PTGR2: variants seen among roughly 807,000 people sequenced by gnomAD.
PTGR2 encodes prostaglandin reductase 2.
PTGR2 carries 32 observed loss-of-function variants against 43.4 expected under a neutral mutation model. The ratio of observed to expected loss-of-function variants is 0.74; its 90% CI spans 0.56 to 0.99. The LOEUF (loss-of-function observed/expected upper bound fraction) is 0.99, where lower values mean the gene tolerates loss of function less well. Ranked by LOEUF, PTGR2 falls within the 50% of genes least tolerant of loss-of-function variation. The pLI, the probability that PTGR2 is intolerant of heterozygous loss-of-function variation, is 0.00. For synonymous variants in PTGR2, 106 were observed against 139.2 expected (o/e 0.76, Z 1.68); for missense variants, 373 against 420.0 (o/e 0.89, Z 0.98).
chr14:73,876,483 C>CTTTT (rs766810794), intron 4 of PTGR2, among the ~76,000 whole-genome samples: 2 of 108,566 alleles, frequency 1.8e-5, no homozygotes, highest in East Asian at 3.1e-4. Context: ...GACATAAGTC[C>CTTTT]TTTTTTTTTT....
intron 8 of PTGR2, among the ~76,000 whole-genome samples, chr14:73,882,132 T>C (rs2055005645): frequency 6.6e-6 from 1 of 152,162 alleles, no homozygotes; most frequent in Non-Finnish European, 1.5e-5. Context: ...GTTGTACCTT[T>C]GTGTGCTTCT....
intron 1 of PTGR2, among the ~76,000 whole-genome samples, chr14:73,857,678 T>TTTTTTTTTTG (rs2140233670): frequency 7.7e-6 from 1 of 129,402 alleles, no homozygotes; most frequent in South Asian, 3.0e-4. Flanking sequence ...TTTTTTTTTT[T>TTTTTTTTTTG]TTTTTTTTGA....
At chr14:73,860,422 G>A (rs1184697120) in intron 2 of PTGR2, 117 bp from the exon 3 acceptor site, 14 of 521,294 alleles carry the variant, frequency 2.7e-5, no homozygotes, top group East Asian at 1.1e-4. Context: ...AGCCGAGATC[G>A]CGCCACTGCA....
At chr14:73,863,330 A>G (rs549524479) in intron 3 of PTGR2, among the ~76,000 whole-genome samples, 1 of 152,030 alleles carries the variant, frequency 6.6e-6, no homozygotes, top group Non-Finnish European at 1.5e-5. Context: ...TTTTTAAGAG[A>G]CAGAGTCTTG....
intron 3 of PTGR2, among the ~76,000 whole-genome samples, chr14:73,869,645 T>C (rs2054679969): frequency 6.6e-6 from 1 of 152,000 alleles, no homozygotes; most frequent in Non-Finnish European, 1.5e-5. Flanking sequence ...TAGCATAATG[T>C]TTATTAAATG....
intron 2 of PTGR2, among the ~76,000 whole-genome samples, chr14:73,860,194 T>G (rs1263521272): frequency 6.6e-6 from 1 of 151,874 alleles, no homozygotes; most frequent in East Asian, 1.9e-4. Flanking sequence ...AGAGTGACCC[T>G]TTAAAGAATA....
chr14:73,867,237 T>A (rs2054623745), intron 3 of PTGR2, among the ~76,000 whole-genome samples: 1 of 152,140 alleles, frequency 6.6e-6, no homozygotes, highest in Non-Finnish European at 1.5e-5. Context: ...GAATCTCTAC[T>A]GTCAGCTTAC....
chr14:73,864,318 T>G (rs1399708118), intron 3 of PTGR2, among the ~76,000 whole-genome samples: 1 of 152,304 alleles, frequency 6.6e-6, no homozygotes, highest in East Asian at 1.9e-4. Context: ...AAGAGTAAAA[T>G]TACTAGGTCA....
chr14:73,874,247 T>C (rs2054804248), intron 4 of PTGR2, 33 bp downstream of exon 4: 4 of 1,466,874 alleles, frequency 2.7e-6, no homozygotes, highest in Non-Finnish European at 2.8e-6. Flanking sequence ...TGATTTTTTT[T>C]CCCCGTATAA....
chr14:73,855,426 G>A (rs1394912827), intron 1 of PTGR2, among the ~76,000 whole-genome samples: 3 of 152,028 alleles, frequency 2.0e-5, no homozygotes, highest in African/African-American at 7.2e-5. Flanking sequence ...TCATCAGAAC[G>A]TTATAGTGCA....
At chr14:73,874,618 C>T (rs1473922183) in intron 4 of PTGR2, 1 of 455,924 alleles carries the variant, frequency 2.2e-6, no homozygotes. Context: ...CGGCTGGTCT[C>T]AAACTCCTAG....
chr14:73,854,334 T>G (rs898998378), intron 1 of PTGR2, among the ~76,000 whole-genome samples: 2 of 152,112 alleles, frequency 1.3e-5, no homozygotes, highest in African/African-American at 4.8e-5. Context: ...ACTCCTGACC[T>G]CAAGTGATCC....
At position 73,885,515 on chromosome 14, in the gene PTGR2, AC is replaced by A. The variant is rs1163338484; in HGVS notation, c.*1339del. ...CACTGCCAATATACTTTTGTATGCAACATTTGTAATAAGTAGATTCAAACTG... is the reference window on the plus strand; with the variant it reads ...CACTGCCAATATACTTTTGTATGCAAATTTGTAATAAGTAGATTCAAACTG... On this transcript the variant is annotated 3_prime_UTR_variant, in exon 10 of 10. Coordinates refer to ENST00000555661, the MANE Select transcript of PTGR2 (RefSeq NM_001146154.2). 1 of 152,218 alleles carries A rather than the reference AC, an allele frequency of 6.6e-6. No homozygotes were observed. The highest frequency in any genetic ancestry group is 1.5e-5 in the Non-Finnish European group (1 of 68,040). The allele number at this position is 152,218 out of a possible 1,614,324, so 9.4% of individuals were successfully genotyped here.
chr14:73,883,188 C>CTT (rs58234739), intron 9 of PTGR2, among the ~76,000 whole-genome samples: 1,270 of 58,082 alleles, frequency 0.022, 114 homozygotes, highest in East Asian at 0.065. Flanking sequence ...CCTCACCTCC[C>CTT]TTTTTTTTTT....
rs1240232885 is a variant in PTGR2 at position 73,854,656 on chromosome 14, ACTG to A, written c.-48+2716_-48+2718del. 2.0e-5 allele frequency among the ~76,000 whole-genome samples: 3 copies of A among 152,244 alleles called. No homozygotes were observed. The East Asian group carries it at 5.8e-4, about 29-fold the overall frequency. On this transcript the variant is annotated intron_variant, in intron 1 of 9. Transcript: ENST00000555661. ...CAAATATGATATTTCATTTGGAAAG[ACTG>A]CTTTGAAAATTTAGCCATTATGGTT...
intron 3 of PTGR2, among the ~76,000 whole-genome samples, chr14:73,873,676 C>T (rs1194715183): frequency 6.6e-6 from 1 of 152,024 alleles, no homozygotes; most frequent in Admixed American, 6.6e-5. Context: ...GTTGGCCAGG[C>T]TGTTCTTGAA....
At chr14:73,877,256 A>G (rs1176128271) in intron 5 of PTGR2, 88 bp downstream of exon 5, 2 of 1,184,984 alleles carry the variant, frequency 1.7e-6, no homozygotes, top group Non-Finnish European at 2.4e-6. Context: ...GTATACCATT[A>G]AAAATATAAA....
chr14:73,857,266 TAAG>T (rs1340381520), intron 1 of PTGR2, among the ~76,000 whole-genome samples: 3 of 149,274 alleles, frequency 2.0e-5, no homozygotes, highest in Non-Finnish European at 4.4e-5. Flanking sequence ...TCACCACTGA[TAAG>T]AAGGCAAAGG....
chr14:73,884,174 G>GTT lies in PTGR2; in HGVS notation c.1054_1055insTT (p.Ter352PhefsTer32), dbSNP rs1566644491. ...TTTGCATTTCAGAAGAAATCTCTTTGTAATTGCTGTAAATGTCATCAAGGC... is the reference window on the plus strand; with the variant it reads ...TTTGCATTTCAGAAGAAATCTCTTTGTTTAATTGCTGTAAATGTCATCAAGGC... On this transcript the variant is annotated frameshift_variant, in exon 10 of 10. Coordinates refer to ENST00000555661, the MANE Select transcript of PTGR2 (RefSeq NM_001146154.2). LOFTEE classifies it high-confidence loss of function. 1.9e-6 allele frequency: 3 copies of GTT among 1,561,772 alleles called. No homozygotes were observed. In the Admixed American group the frequency reaches 5.1e-5, roughly 27 times the overall value.
Sources: gnomAD v4.1 joint callset for allele counts (sites outside exome capture counted in the v4.1 genomes callset) on GRCh38, gnomAD v4.1.1 for gene constraint, MANE v1.5 for transcripts, NCBI Gene and HGNC (gene_info 2026-07-23, HGNC 2026-07-21) for gene names.